GALNT13: variants seen among roughly 807,000 people sequenced by gnomAD.
GALNT13 encodes the protein UDP-GalNAc:polypeptide N-acetylgalactosaminyltransferase 13.
In GALNT13, 28 loss-of-function variants were observed where a neutral mutation model predicts 64.2. That is an observed-to-expected ratio of 0.44 (90% CI 0.32 to 0.60). The LOEUF is 0.60. Among genes scored for constraint, GALNT13 ranks in the 20% least tolerant of loss-of-function variants. The pLI, the probability that GALNT13 is intolerant of heterozygous loss-of-function variation, is 0.05. For synonymous variants in GALNT13, 214 were observed against 224.6 expected (o/e 0.95, Z 0.42); for missense variants, 577 against 669.8 (o/e 0.86, Z 1.53).
the GALNT13 span, among the ~76,000 whole-genome samples, chr2:153,309,549 G>A: frequency 3.3e-5 from 5 of 150,772 alleles, no homozygotes; most frequent in African/African-American, 1.2e-4. Flanking sequence ...TTACCTCCAT[G>A]ACACATGCTC....
intron 2 of GALNT13, among the ~76,000 whole-genome samples, chr2:153,904,848 T>A (rs1328323663): frequency 1.3e-5 from 2 of 151,888 alleles, no homozygotes; most frequent in Non-Finnish European, 2.9e-5. Flanking sequence ...TTGTGAGTGA[T>A]GTGAGGTAGA....
intron 9 of GALNT13, among the ~76,000 whole-genome samples, chr2:154,316,504 A>T (rs1294911506): frequency 6.6e-6 from 1 of 152,218 alleles, no homozygotes; most frequent in Non-Finnish European, 1.5e-5. Context: ...ATAACTAAAT[A>T]TAAAACTAGC....
At chr2:153,365,661 C>T in the GALNT13 span, among the ~76,000 whole-genome samples, 1 of 152,166 alleles carries the variant, frequency 6.6e-6, no homozygotes, top group African/African-American at 2.4e-5. Context: ...CATCACTAGT[C>T]ATTAGAGAAA....
At chr2:154,078,766 A>G (rs1189197030) in intron 3 of GALNT13, among the ~76,000 whole-genome samples, 1 of 151,626 alleles carries the variant, frequency 6.6e-6, no homozygotes, top group Non-Finnish European at 1.5e-5. Flanking sequence ...ATATGTTTGT[A>G]TTCACACAGA....
chr2:153,405,985 A>G, the GALNT13 span, among the ~76,000 whole-genome samples: 1 of 152,204 alleles, frequency 6.6e-6, no homozygotes, highest in Non-Finnish European at 1.5e-5. Flanking sequence ...AGGTGAGCTA[A>G]ACAAGCAAAA....
chr2:153,184,280 G>T, the GALNT13 span, among the ~76,000 whole-genome samples: 1 of 152,096 alleles, frequency 6.6e-6, no homozygotes, highest in Admixed American at 6.6e-5. Context: ...CTTGCCTGTT[G>T]TTGGTGTATA....
chr2:154,361,262 A>T (rs746225453), intron 9 of GALNT13, among the ~76,000 whole-genome samples: 1 of 152,138 alleles, frequency 6.6e-6, no homozygotes. Flanking sequence ...TATACGGTTT[A>T]TATGCATATA....
chr2:154,315,426 G>C (rs1574074609), intron 9 of GALNT13, among the ~76,000 whole-genome samples: 1 of 152,038 alleles, frequency 6.6e-6, no homozygotes, highest in African/African-American at 2.4e-5. Context: ...AAACAGAAGG[G>C]GAAACAATTT....
intron 1 of GALNT13, among the ~76,000 whole-genome samples, chr2:153,888,009 A>T (rs1023664600): frequency 6.6e-6 from 1 of 151,992 alleles, no homozygotes; most frequent in African/African-American, 2.4e-5. Context: ...CTGCTTTTTT[A>T]ATGTGGAAGA....
At chr2:154,406,129 G>A (rs975280) in intron 10 of GALNT13, among the ~76,000 whole-genome samples, 99,191 of 152,024 alleles carry the variant, frequency 0.65, 32,910 homozygotes, top group Admixed American at 0.73. Flanking sequence ...TTGCCCACTC[G>A]TTCAGGCCCA....
chr2:153,724,293 C>T, the GALNT13 span, among the ~76,000 whole-genome samples: 1 of 139,900 alleles, frequency 7.1e-6, no homozygotes, highest in African/African-American at 3.0e-5. Context: ...ACACCTTATA[C>T]AAAAATCAAT....
chr2:154,110,698 T>C (rs1365645342), intron 3 of GALNT13, among the ~76,000 whole-genome samples: 1 of 151,968 alleles, frequency 6.6e-6, no homozygotes, highest in Non-Finnish European at 1.5e-5. Context: ...CTGACTCAAA[T>C]GTTAATCTCC....
At chr2:153,901,146 G>A (rs1282479972) in intron 2 of GALNT13, 139 bp downstream of exon 2, 1 of 152,098 alleles carries the variant, frequency 6.6e-6, no homozygotes, top group Non-Finnish European at 1.5e-5. Context: ...TATGTGTGCA[G>A]CATTATTTCT....
intron 3 of GALNT13, among the ~76,000 whole-genome samples, chr2:154,108,453 T>A (rs1702746290): frequency 6.6e-6 from 1 of 152,132 alleles, no homozygotes; most frequent in African/African-American, 2.4e-5. Context: ...TTTGTTTTTG[T>A]GCTGTTGAGT....
chr2:153,980,678 C>G (rs1338826049), intron 3 of GALNT13, among the ~76,000 whole-genome samples: 2 of 151,892 alleles, frequency 1.3e-5, no homozygotes, highest in Non-Finnish European at 1.5e-5. Context: ...AACTAAGGGG[C>G]AACTTTAAAA....
intron 11 of GALNT13, among the ~76,000 whole-genome samples, chr2:154,430,341 C>T (rs1574291172): frequency 6.6e-6 from 1 of 152,232 alleles, no homozygotes; most frequent in East Asian, 1.9e-4. Flanking sequence ...AATCCCAACC[C>T]TCTTAGATGA....
At chr2:154,343,775 C>A (rs371587949) in intron 9 of GALNT13, among the ~76,000 whole-genome samples, 12 of 151,948 alleles carry the variant, frequency 7.9e-5, no homozygotes, top group East Asian at 5.8e-4. Context: ...AAGAGTCCTT[C>A]CAGGGATTTT....
At chr2:153,652,628 A>C in the GALNT13 span, among the ~76,000 whole-genome samples, 1 of 152,102 alleles carries the variant, frequency 6.6e-6, no homozygotes, top group Non-Finnish European at 1.5e-5. Flanking sequence ...AAAAGGAAAA[A>C]AATTAGAGAC....
chr2:153,568,468 A>G, the GALNT13 span, among the ~76,000 whole-genome samples: 1 of 152,234 alleles, frequency 6.6e-6, no homozygotes. Flanking sequence ...ACTTACTTAC[A>G]TACATGGCCA....
Sources: allele counts gnomAD v4.1 joint callset (sites outside exome capture counted in the v4.1 genomes callset), GRCh38; gene constraint gnomAD v4.1.1; transcripts MANE v1.5; gene names NCBI Gene and HGNC (gene_info 2026-07-23, HGNC 2026-07-21).